BMPR2: variants seen among roughly 807,000 people sequenced by gnomAD.
BMPR2 encodes the protein bone morphogenetic protein receptor type 2, also known as bone morphogenetic protein receptor type-2.
Under a neutral mutation model 100.8 loss-of-function variants are expected in BMPR2, and 29 were observed. That is an observed-to-expected ratio of 0.29 (90% CI 0.21 to 0.39). The LOEUF is 0.39. Ranked by LOEUF, BMPR2 falls within the 10% of genes least tolerant of loss-of-function variation. BMPR2 has a pLI of 1.00. For synonymous variants in BMPR2, 382 were observed against 442.3 expected, an observed-to-expected ratio of 0.86 and a Z score of 1.71; for missense variants, 1,011 against 1,274.5, an observed-to-expected ratio of 0.79 and a Z score of 3.15.
chr2:202,478,139 A>G (rs912106115), intron 3 of BMPR2, among the ~76,000 whole-genome samples: 1 of 152,082 alleles, frequency 6.6e-6, no homozygotes, highest in East Asian at 1.9e-4. Context: ...TTTTCAGTCT[A>G]TTTAGTGGTA....
At chr2:202,476,633 A>G (rs1236614335) in intron 3 of BMPR2, among the ~76,000 whole-genome samples, 1 of 152,074 alleles carries the variant, frequency 6.6e-6, no homozygotes, top group African/African-American at 2.4e-5. Context: ...ACTAAAATAC[A>G]AAATAATTAG....
chr2:202,566,569 T>TG lies in BMPR2; in HGVS notation c.*6624dup, dbSNP rs1464381669. The TG allele has an allele frequency of 6.6e-6, 1 of 152,274 alleles. No individual in the cohort carries two copies. Among genetic ancestry groups the TG allele is most frequent in the Non-Finnish European group, 1.5e-5 (1 of 68,020 alleles). The allele number at this position is 152,274 out of a possible 1,614,324, so 9.4% of individuals were successfully genotyped here. A position where few individuals can be genotyped will look rare whatever the true frequency, so the allele number is the denominator to read the frequency against. ...CTTACATTTCTGTTCTTTGGTCAAA[T>TG]GACCATACATGATATGGGACAAATT... On this transcript the variant is annotated 3_prime_UTR_variant, in exon 13 of 13. Coordinates refer to ENST00000374580, the MANE Select transcript of BMPR2 (RefSeq NM_001204.7).
chr2:202,458,664 CT>C (rs145491510), intron 1 of BMPR2, among the ~76,000 whole-genome samples: 6,389 of 151,998 alleles, frequency 0.042, 467 homozygotes, highest in African/African-American at 0.15. Flanking sequence ...GCACATTTTT[CT>C]TTATTCAAAA....
At chr2:202,485,447 T>C (rs1352107360) in intron 3 of BMPR2, among the ~76,000 whole-genome samples, 3 of 151,878 alleles carry the variant, frequency 2.0e-5, no homozygotes, top group African/African-American at 7.3e-5. Flanking sequence ...CAGTAAATCA[T>C]TGGTGTTCCT....
At chr2:202,425,772 G>T (rs1691372350) in intron 1 of BMPR2, among the ~76,000 whole-genome samples, 1 of 152,030 alleles carries the variant, frequency 6.6e-6, no homozygotes, top group Non-Finnish European at 1.5e-5. Context: ...ATATCCTTTT[G>T]ACCTTGGTCT....
intron 1 of BMPR2, among the ~76,000 whole-genome samples, chr2:202,407,087 A>G (rs1012794260): frequency 2.0e-5 from 3 of 151,442 alleles, no homozygotes; most frequent in Non-Finnish European, 4.4e-5. Flanking sequence ...AGTTTGAACT[A>G]CAGGCATGTG....
chr2:202,393,647 G>T (rs935374596), intron 1 of BMPR2, among the ~76,000 whole-genome samples: 1 of 151,900 alleles, frequency 6.6e-6, no homozygotes, highest in Non-Finnish European at 1.5e-5. Flanking sequence ...TTGAAGCAAA[G>T]AATTATATTT....
chr2:202,542,763 C>T (rs565353543), intron 10 of BMPR2, among the ~76,000 whole-genome samples: 11 of 152,176 alleles, frequency 7.2e-5, no homozygotes, highest in Admixed American at 7.2e-4. Flanking sequence ...CTATCTTACT[C>T]TCTTGAGAAT....
chr2:202,467,145 C>T, intron 2 of BMPR2: 1 of 294,106 alleles, frequency 3.4e-6, no homozygotes, highest in South Asian at 3.3e-5. Flanking sequence ...TGCCTGTAAT[C>T]CCAGCTACTC....
chr2:202,544,966 T>G (rs1471348631), intron 10 of BMPR2, among the ~76,000 whole-genome samples: 1 of 151,694 alleles, frequency 6.6e-6, no homozygotes, highest in Non-Finnish European at 1.5e-5. Flanking sequence ...CTCGCTTTGT[T>G]TCCCAGGCTG....
intron 1 of BMPR2, among the ~76,000 whole-genome samples, chr2:202,457,553 T>TAG (rs1233818303): frequency 4.1e-5 from 4 of 97,798 alleles, no homozygotes; most frequent in African/African-American, 1.5e-4. Context: ...TATATATATA[T>TAG]ATATATATAG....
At chr2:202,450,270 T>C (rs781733195) in intron 1 of BMPR2, among the ~76,000 whole-genome samples, 1 of 152,252 alleles carries the variant, frequency 6.6e-6, no homozygotes, top group Non-Finnish European at 1.5e-5. Context: ...TTTCCTACTA[T>C]GATCTTTCTC....
chr2:202,406,277 G>A (rs1027204907), intron 1 of BMPR2, among the ~76,000 whole-genome samples: 11 of 152,220 alleles, frequency 7.2e-5, no homozygotes, highest in Non-Finnish European at 1.5e-4. Context: ...TGTGTTCCGA[G>A]TAAGTTGTAG....
At chr2:202,460,019 C>T (rs1289618730) in intron 1 of BMPR2, among the ~76,000 whole-genome samples, 1 of 152,144 alleles carries the variant, frequency 6.6e-6, no homozygotes, top group Non-Finnish European at 1.5e-5. Flanking sequence ...GGCTCAGTAT[C>T]ACTGATCATT....
In BMPR2 at chr2:202,483,368, GGTTTTTGTTTTTTT is replaced by G. The variant is rs1359309027; in HGVS notation, c.418+15694_418+15707del. Among the ~76,000 whole-genome samples, 7 of 151,362 alleles carry G rather than the reference GGTTTTTGTTTTTTT, an allele frequency of 4.6e-5. No homozygotes were observed. In the South Asian group the frequency reaches 1.5e-3, roughly 32 times the overall value. The stretch of plus-strand genomic sequence containing the variant: ...TTATTTTTGTTTTTGTTTGTTGGTT[GGTTTTTGTTTTTTT>G]GTTTTTGTTTTTTTTTTGAGATGGA... On this transcript the variant is annotated intron_variant, in intron 3 of 12. Coordinates refer to ENST00000374580, the MANE Select transcript of BMPR2 (RefSeq NM_001204.7).
chr2:202,423,392 C>T (rs894719442), intron 1 of BMPR2, among the ~76,000 whole-genome samples: 20 of 152,168 alleles, frequency 1.3e-4, no homozygotes, highest in Non-Finnish European at 2.2e-4. Context: ...ACTTCAGACA[C>T]GGGGGCTGTG....
At chr2:202,443,707 GCATGTGCCA>G (rs1168638185) in intron 1 of BMPR2, among the ~76,000 whole-genome samples, 1 of 150,396 alleles carries the variant, frequency 6.6e-6, no homozygotes, top group African/African-American at 2.5e-5. Flanking sequence ...GGGATTACAG[GCATGTGCCA>G]CAATGCCCAG....
At chr2:202,439,705 C>A (rs1273912436) in intron 1 of BMPR2, among the ~76,000 whole-genome samples, 1 of 149,052 alleles carries the variant, frequency 6.7e-6, no homozygotes, top group Non-Finnish European at 1.5e-5. Context: ...TTTAGTTTTT[C>A]ACCATTAAGT....
At chr2:202,481,301 C>A (rs1475430791) in intron 3 of BMPR2, among the ~76,000 whole-genome samples, 1 of 152,090 alleles carries the variant, frequency 6.6e-6, no homozygotes, top group Non-Finnish European at 1.5e-5. Context: ...GCCTCAGCCT[C>A]CCGAGTAGCT....
Sources: allele counts gnomAD v4.1 joint callset (sites outside exome capture counted in the v4.1 genomes callset), GRCh38; gene constraint gnomAD v4.1.1; transcripts MANE v1.5; gene names NCBI Gene and HGNC (gene_info 2026-07-23, HGNC 2026-07-21).